The following IQCK variants were observed in gnomAD, a reference collection of about 807,000 sequenced individuals.
IQCK encodes the protein IQ domain-containing protein K.
Under a neutral mutation model 28.1 loss-of-function variants are expected in IQCK, and 29 were observed. The ratio of observed to expected loss-of-function variants is 1.03; its 90% CI spans 0.77 to 1.41. The LOEUF (loss-of-function observed/expected upper bound fraction) is 1.41. Ranked by LOEUF, IQCK falls within the 40% of genes most tolerant of loss-of-function variation. The pLI is 0.00. For synonymous variants in IQCK, 113 were observed against 115.1 expected (o/e 0.98, Z 0.12); for missense variants, 359 against 314.7 (o/e 1.14, Z -1.07).
chr16:19,820,675 G>T (rs891115261), intron 7 of IQCK, among the ~76,000 whole-genome samples: 15 of 150,244 alleles, frequency 1.0e-4, no homozygotes, highest in Non-Finnish European at 2.1e-4. Context: ...AGATAAATTT[G>T]ATTTTATCAA....
intron 4 of IQCK, among the ~76,000 whole-genome samples, chr16:19,740,307 G>T (rs2054815203): frequency 6.6e-6 from 1 of 152,102 alleles, no homozygotes; most frequent in Non-Finnish European, 1.5e-5. Flanking sequence ...CTACTGCTAT[G>T]ATCATCATCA....
chr16:19,851,135 C>A (rs1218562148), intron 9 of IQCK, among the ~76,000 whole-genome samples: 1 of 152,216 alleles, frequency 6.6e-6, no homozygotes, highest in Non-Finnish European at 1.5e-5. Flanking sequence ...CTTCTCTCAG[C>A]GCCCTTAGGA....
chr16:19,848,709 T>C (rs974712142), intron 9 of IQCK, among the ~76,000 whole-genome samples: 1 of 152,188 alleles, frequency 6.6e-6, no homozygotes, highest in Non-Finnish European at 1.5e-5. Context: ...GAGATTATTA[T>C]ACCTATAGCT....
At chr16:19,759,043 T>C (rs769764462) in intron 4 of IQCK, among the ~76,000 whole-genome samples, 11 of 152,136 alleles carry the variant, frequency 7.2e-5, no homozygotes, top group Admixed American at 1.3e-4. Context: ...TAAAGAGAAA[T>C]TGTCTACAAT....
At chr16:19,833,802 T>C (rs1403758893) in intron 9 of IQCK, among the ~76,000 whole-genome samples, 1 of 152,140 alleles carries the variant, frequency 6.6e-6, no homozygotes, top group African/African-American at 2.4e-5. Flanking sequence ...GCTTGTGACC[T>C]TAGGATTTGC....
exon 10 of IQCK, chr16:19,856,594 G>T (rs1280455823): frequency 1.3e-6 from 2 of 1,520,378 alleles, no homozygotes; most frequent in Admixed American, 1.7e-5. Context: ...AAGTTACCTT[G>T]TGCAAGGAAA....
intron 4 of IQCK, among the ~76,000 whole-genome samples, chr16:19,750,990 T>C (rs886557386): frequency 1.3e-5 from 2 of 151,328 alleles, no homozygotes; most frequent in African/African-American, 4.8e-5. Context: ...GTGATGAGGG[T>C]GGGGCTGCTG....
At position 19,764,043 on chromosome 16, in the gene IQCK, C is replaced by G. The variant is rs1232075163; in HGVS notation, c.536C>G (p.Pro179Arg). Residue 179 changes from proline (P) to arginine (R), a missense_variant, in exon 6 of 8, where the codon CCA (proline) becomes CGA (arginine). Transcript: ENST00000564186. ...TATGGCATCATGACCAGCCAAAATCCAAAGAGGGCAGGGGAGCCATTCACA... is the reference window on the plus strand; with the variant it reads ...TATGGCATCATGACCAGCCAAAATCGAAAGAGGGCAGGGGAGCCATTCACA... 3 of 1,613,974 alleles carry G rather than the reference C, an allele frequency of 1.9e-6. No individual in the cohort carries two copies. The Admixed American group carries it at 5.0e-5, about 27-fold the overall frequency.
At chr16:19,765,563 C>T (rs1486099059) in intron 6 of IQCK, among the ~76,000 whole-genome samples, 2 of 152,104 alleles carry the variant, frequency 1.3e-5, no homozygotes, top group East Asian at 3.9e-4. Context: ...ACTCTCGGCT[C>T]TCAGTTGTCA....
At chr16:19,785,880 C>G (rs1567556785) in intron 6 of IQCK, among the ~76,000 whole-genome samples, 1 of 152,130 alleles carries the variant, frequency 6.6e-6, no homozygotes, top group Non-Finnish European at 1.5e-5. Context: ...TGCTTTTGTT[C>G]TTTTGTTGCT....
chr16:19,837,662 T>C (rs2056314446), intron 9 of IQCK, among the ~76,000 whole-genome samples: 2 of 152,206 alleles, frequency 1.3e-5, no homozygotes, highest in Admixed American at 6.5e-5. Flanking sequence ...TTTTTAAAGC[T>C]GTCAGCAAAA....
intron 4 of IQCK, among the ~76,000 whole-genome samples, chr16:19,740,861 G>C (rs756242654): frequency 6.6e-6 from 1 of 151,732 alleles, no homozygotes; most frequent in South Asian, 2.1e-4. Flanking sequence ...CCAGCTACTC[G>C]GGAGGCTGAG....
chr16:19,808,676 G>T (rs2055862774), intron 7 of IQCK, among the ~76,000 whole-genome samples: 1 of 152,168 alleles, frequency 6.6e-6, no homozygotes, highest in Non-Finnish European at 1.5e-5. Context: ...GAAAATGCGG[G>T]GCTCCTTGTT....
At chr16:19,804,576 C>G (rs1205905767) in intron 7 of IQCK, among the ~76,000 whole-genome samples, 1 of 151,862 alleles carries the variant, frequency 6.6e-6, no homozygotes, top group East Asian at 2.0e-4. Context: ...TAGCTGGGAC[C>G]ACAGCTGTGA....
rs201055224 is a variant in IQCK at position 19,798,424 on chromosome 16, AT to A, written c.690+9503del. 2.8e-3 allele frequency among the ~76,000 whole-genome samples: 318 copies of A among 115,334 alleles called. 14 individuals are homozygous for A. The highest frequency in any genetic ancestry group is 0.021 in the African/African-American group (266 of 12,924). The allele number at this position is 115,334 out of a possible 152,430, so 75.7% of individuals were successfully genotyped here. On this transcript the variant is annotated intron_variant, in intron 7 of 7. Transcript: ENST00000564186. Reference sequence around the variant, plus strand: ...AGAGCCAGAGTCCATCACAAAAAATATATATATATATATATATATATTTCGG... The same window carrying A: ...AGAGCCAGAGTCCATCACAAAAAATAATATATATATATATATATATTTCGG...
intron 4 of IQCK, among the ~76,000 whole-genome samples, chr16:19,739,882 A>G (rs571201168): frequency 8.5e-5 from 13 of 152,192 alleles, no homozygotes; most frequent in Admixed American, 8.5e-4. Flanking sequence ...CATCCTATGC[A>G]CCATCTTGTT....
At chr16:19,756,563 G>A (rs2055054778) in intron 4 of IQCK, among the ~76,000 whole-genome samples, 1 of 152,120 alleles carries the variant, frequency 6.6e-6, no homozygotes, top group Non-Finnish European at 1.5e-5. Context: ...CAGGGTGGAG[G>A]CTTTATGAGT....
chr16:19,840,389 T>A (rs1429999331), intron 9 of IQCK, among the ~76,000 whole-genome samples: 2 of 151,876 alleles, frequency 1.3e-5, no homozygotes, highest in African/African-American at 4.8e-5. Context: ...AGACAAAAAG[T>A]CCATTAAAAT....
At chr16:19,770,361 G>A (rs1277860276) in intron 6 of IQCK, among the ~76,000 whole-genome samples, 1 of 152,126 alleles carries the variant, frequency 6.6e-6, no homozygotes, top group Non-Finnish European at 1.5e-5. Flanking sequence ...CCCCAGAACT[G>A]GTAGGTTTAA....
Sources: allele counts gnomAD v4.1 joint callset (sites outside exome capture counted in the v4.1 genomes callset), GRCh38; gene constraint gnomAD v4.1.1; transcripts MANE v1.5; gene names NCBI Gene and HGNC (gene_info 2026-07-23, HGNC 2026-07-21).